F13A1: variants seen among roughly 807,000 people sequenced by gnomAD.
F13A1 encodes the protein FSF, A subunit.
Under a neutral mutation model 80.1 loss-of-function variants are expected in F13A1, and 47 were observed. The observed-to-expected ratio is 0.59, with a 90% CI of 0.46 to 0.75. F13A1 has a LOEUF of 0.75. F13A1 is among the 30% of genes least tolerant of loss of function. F13A1 has a pLI of 0.00. For synonymous variants in F13A1, 349 were observed against 344.9 expected, an observed-to-expected ratio of 1.01 and a Z score of -0.13; for missense variants, 817 against 930.4, an observed-to-expected ratio of 0.88 and a Z score of 1.59.
rs1366477562 is a variant in F13A1 at position 6,162,737 on chromosome 6, G to A, written c.1908+4721C>T. Among the ~76,000 whole-genome samples the A allele has an allele frequency of 1.3e-5, 2 of 152,224 alleles. No homozygotes were observed. The highest frequency in any genetic ancestry group is 2.9e-5 in the Non-Finnish European group (2 of 68,044). ...CATAAAAAACTCACAAGGACCCCAGGAGGAGAGTTACCATTGCTTTTGACT... is the reference window on the plus strand; with the variant it reads ...CATAAAAAACTCACAAGGACCCCAGAAGGAGAGTTACCATTGCTTTTGACT... On this transcript the variant is annotated intron_variant, in intron 13 of 14. Coordinates refer to ENST00000264870, the MANE Select transcript of F13A1 (RefSeq NM_000129.4). This position sits in a 1 kb window ranked among gnomAD's most constrained non-coding sequence, Gnocchi z 4.2.
At chr6:6,209,363 G>A (rs966165922) in intron 8 of F13A1, among the ~76,000 whole-genome samples, 9 of 147,684 alleles carry the variant, frequency 6.1e-5, no homozygotes, top group African/African-American at 2.0e-4. Flanking sequence ...TTATTTGCAA[G>A]AATATGAAGT....
chr6:6,221,429 C>A (rs1038245866), intron 8 of F13A1, among the ~76,000 whole-genome samples: 1 of 152,098 alleles, frequency 6.6e-6, no homozygotes, highest in African/African-American at 2.4e-5. Flanking sequence ...TCTTTACATT[C>A]GAAAAGAAAA....
intron 11 of F13A1, among the ~76,000 whole-genome samples, chr6:6,181,046 C>T (rs545879963): frequency 4.0e-4 from 61 of 152,320 alleles, no homozygotes; most frequent in African/African-American, 1.4e-3. Context: ...CCAGTTCTGG[C>T]CACTGCTGGC....
chr6:6,203,572 C>T (rs759039436), intron 8 of F13A1, among the ~76,000 whole-genome samples: 40 of 152,172 alleles, frequency 2.6e-4, no homozygotes, highest in Non-Finnish European at 4.0e-4. Flanking sequence ...CTTTCAAGAA[C>T]CTCAATGAAT....
intron 3 of F13A1, among the ~76,000 whole-genome samples, chr6:6,300,015 G>A (rs1326556884): frequency 4.8e-5 from 7 of 147,346 alleles, no homozygotes; most frequent in African/African-American, 8.1e-5. Context: ...GCCGTGTGAA[G>A]TGTCAGTGTG....
At chr6:6,169,520 A>G (rs917125226) in intron 12 of F13A1, 1 of 154,136 alleles carries the variant, frequency 6.5e-6, no homozygotes, top group Non-Finnish European at 1.5e-5. Context: ...TGGGTTTTAA[A>G]TTGAAAGGCC....
At chr6:6,291,600 A>G (rs1758225195) in intron 3 of F13A1, among the ~76,000 whole-genome samples, 1 of 152,154 alleles carries the variant, frequency 6.6e-6, no homozygotes, top group Non-Finnish European at 1.5e-5. Context: ...TCTCCTAGTT[A>G]TATTTAATAA....
At chr6:6,241,912 A>C (rs1385073830) in intron 6 of F13A1, among the ~76,000 whole-genome samples, 1 of 152,210 alleles carries the variant, frequency 6.6e-6, no homozygotes, top group East Asian at 1.9e-4. Flanking sequence ...GGTTTGCTCA[A>C]CGTGAAGCTT....
intron 3 of F13A1, among the ~76,000 whole-genome samples, chr6:6,275,139 C>A (rs552835954): frequency 1.3e-5 from 2 of 151,342 alleles, no homozygotes; most frequent in Admixed American, 6.6e-5. Context: ...GCAAGGAAAC[C>A]AGTCAGAGGG....
intron 8 of F13A1, among the ~76,000 whole-genome samples, chr6:6,204,176 GCTAA>G (rs949977194): frequency 2.6e-5 from 4 of 152,282 alleles, no homozygotes; most frequent in East Asian, 1.9e-4. Context: ...CCTTAACTTG[GCTAA>G]CTAACTGCTT....
At chr6:6,212,006 C>G (rs768742339) in intron 8 of F13A1, among the ~76,000 whole-genome samples, 12 of 152,198 alleles carry the variant, frequency 7.9e-5, no homozygotes, top group Non-Finnish European at 1.6e-4. Context: ...GATTATATCC[C>G]GCACCTGGCT....
At chr6:6,175,143 G>T (rs541728040) in intron 11 of F13A1, among the ~76,000 whole-genome samples, 1 of 152,162 alleles carries the variant, frequency 6.6e-6, no homozygotes, top group South Asian at 2.1e-4. Flanking sequence ...ATTTCAGGGG[G>T]TGGGAGGTAA....
intron 13 of F13A1, among the ~76,000 whole-genome samples, chr6:6,159,243 A>G (rs9504695): frequency 0.41 from 62,187 of 151,716 alleles, 12,885 homozygotes; most frequent in African/African-American, 0.48. Flanking sequence ...AAGTTGTATG[A>G]ATGGGATGTG....
At chr6:6,305,871 C>T (rs551702926) in intron 2 of F13A1, among the ~76,000 whole-genome samples, 3 of 152,280 alleles carry the variant, frequency 2.0e-5, no homozygotes, top group Non-Finnish European at 2.9e-5. Context: ...CTCAGTCTCA[C>T]GCTAGTTTTC....
intron 13 of F13A1, among the ~76,000 whole-genome samples, chr6:6,156,242 C>T (rs1377780056): frequency 6.6e-6 from 1 of 152,200 alleles, no homozygotes; most frequent in African/African-American, 2.4e-5. Context: ...GTCCTTTATA[C>T]TAATTCATGA....
At chr6:6,209,984 G>T (rs141243977) in intron 8 of F13A1, among the ~76,000 whole-genome samples, 102 of 152,142 alleles carry the variant, frequency 6.7e-4, no homozygotes, top group Middle Eastern at 3.4e-3. Context: ...CCAGCACTCT[G>T]GGAGGCTGAG....
Position 6,318,686 on chromosome 6 carries a change from C to CAT in F13A1, c.-18-5_-18-4insAT, listed in dbSNP as rs750373197. The stretch of plus-strand genomic sequence containing the variant: ...ACATTTTTGACTTTACAAGGTCCTT[C>CAT]AGAAAAAAAAAAAAAAGAAGACAAC... On this transcript the variant is annotated splice_region_variant and splice_polypyrimidine_tract_variant and intron_variant, in intron 1 of 14. Transcript: ENST00000264870. The CAT allele has an allele frequency of 1.4e-4, 175 of 1,288,670 alleles. No homozygotes were observed. Among genetic ancestry groups the CAT allele is most frequent in the East Asian group, 5.0e-4 (16 of 32,228 alleles). The allele number at this position is 1,288,670 out of a possible 1,614,324, so 79.8% of individuals were successfully genotyped here. A position where few individuals can be genotyped will look rare whatever the true frequency, so the allele number is the denominator to read the frequency against.
At chr6:6,181,878 C>G (rs1760994006) in intron 11 of F13A1, 110 bp downstream of exon 11, 1 of 1,215,812 alleles carries the variant, frequency 8.2e-7, no homozygotes. Flanking sequence ...GCTGTTGCTA[C>G]CAAATGCTGC....
At chr6:6,251,956 T>G (rs1757638737) in intron 4 of F13A1, among the ~76,000 whole-genome samples, 2 of 152,110 alleles carry the variant, frequency 1.3e-5, no homozygotes, top group South Asian at 4.2e-4. Flanking sequence ...TATGAAATAT[T>G]TTTGCCCCTT....
Sources: gnomAD v4.1 joint callset for allele counts (sites outside exome capture counted in the v4.1 genomes callset) on GRCh38, gnomAD v4.1.1 for gene constraint, Gnocchi (gnomAD v3.1) non-coding constraint, MANE v1.5 for transcripts, NCBI Gene and HGNC (gene_info 2026-07-23, HGNC 2026-07-21) for gene names.